YTHDF2: variants seen among roughly 807,000 people sequenced by gnomAD.
The protein encoded by YTHDF2 is YTH domain-containing family protein 2.
In YTHDF2, 2 loss-of-function variants were observed where a neutral mutation model predicts 50.4. That is an observed-to-expected ratio of 0.04 (90% confidence interval 0.02 to 0.12). The LOEUF is 0.12. Ranked by LOEUF, YTHDF2 falls within the 10% of genes least tolerant of loss-of-function variation. The pLI is 1.00. For missense variants in YTHDF2, 483 were observed against 722.6 expected (o/e 0.67, Z 3.80); for synonymous variants, 217 against 255.6 (o/e 0.85, Z 1.44).
intron 4 of YTHDF2, among the ~76,000 whole-genome samples, chr1:28,760,727 C>T (rs1195776422): frequency 2.0e-5 from 3 of 151,968 alleles, no homozygotes; most frequent in South Asian, 4.1e-4. Context: ...ACTACAGCCG[C>T]GTGCCACTAC....
chr1:28,742,314 T>C (rs1007216676), intron 3 of YTHDF2, 89 bp from the exon 4 acceptor site: 2 of 1,468,362 alleles, frequency 1.4e-6, no homozygotes, highest in Non-Finnish European at 1.8e-6. Flanking sequence ...CTTTTTATAG[T>C]ATATTTGAAT....
At chr1:28,739,179 C>G (rs1557538277) in intron 3 of YTHDF2, 1 of 152,194 alleles carries the variant, frequency 6.6e-6, no homozygotes, top group Non-Finnish European at 1.5e-5. Flanking sequence ...GCGCTCCAGC[C>G]TTGGTGACAG....
rs566676262 is a variant in YTHDF2 at position 28,753,768 on chromosome 1, G to A, written c.1716+9782G>A. 4.0e-5 allele frequency among the ~76,000 whole-genome samples: 6 copies of A among 149,668 alleles called. No homozygotes were observed. The East Asian group carries it at 7.8e-4, about 20-fold the overall frequency. The stretch of plus-strand genomic sequence containing the variant: ...GTCCCCCAGGCTGGAGTGCAATGGC[G>A]CGATCTTGGCTCGCTGCAGCCTCCC... On this transcript the variant is annotated intron_variant, in intron 4 of 4. Transcript: ENST00000373812.
At chr1:28,744,112 G>A in intron 4 of YTHDF2, 126 bp downstream of exon 4, 2 of 1,046,170 alleles carry the variant, frequency 1.9e-6, no homozygotes, top group Admixed American at 3.6e-5. Flanking sequence ...ACAGTTCAAG[G>A]CTTTATAGAA....
At chr1:28,751,926 C>A (rs1259221064) in intron 4 of YTHDF2, among the ~76,000 whole-genome samples, 1 of 152,210 alleles carries the variant, frequency 6.6e-6, no homozygotes. Flanking sequence ...GATAAGCACT[C>A]AAATGGCAGC....
chr1:28,753,704 CTTT>C (rs550956079), intron 4 of YTHDF2, among the ~76,000 whole-genome samples: 2 of 132,512 alleles, frequency 1.5e-5, no homozygotes, highest in Non-Finnish European at 1.6e-5. Flanking sequence ...GGATTTTATT[CTTT>C]TTTTTTTTTT....
At chr1:28,765,857 A>G (rs939682050) in intron 4 of YTHDF2, among the ~76,000 whole-genome samples, 8 of 152,206 alleles carry the variant, frequency 5.3e-5, no homozygotes, top group African/African-American at 1.9e-4. Context: ...AGAGAGTTAC[A>G]GTCTAGACAT....
At chr1:28,760,879 C>T (rs1353222706) in intron 4 of YTHDF2, among the ~76,000 whole-genome samples, 6 of 152,004 alleles carry the variant, frequency 3.9e-5, no homozygotes, top group East Asian at 1.9e-4. Context: ...TGCGCCTGGC[C>T]GAATTTGTTA....
intron 4 of YTHDF2, among the ~76,000 whole-genome samples, chr1:28,756,380 C>G (rs921756557): frequency 1.3e-5 from 2 of 152,114 alleles, no homozygotes; most frequent in Non-Finnish European, 2.9e-5. Flanking sequence ...ATAGTTTAAA[C>G]CAAGAATCAC....
At chr1:28,751,171 T>G (rs2087946831) in intron 4 of YTHDF2, among the ~76,000 whole-genome samples, 1 of 144,498 alleles carries the variant, frequency 6.9e-6, no homozygotes, top group Non-Finnish European at 1.5e-5. Context: ...GGCAGGAGAA[T>G]CTCTTGAACC....
Position 28,742,614 on chromosome 1 carries a change from C to A in YTHDF2, c.344C>A (p.Pro115Gln). Residue 115 changes from proline (P) to glutamine (Q), a missense_variant, in exon 4 of 5, where the codon CCA becomes CAA. Pro to Gln is a moderately conservative substitution (Grantham distance 76). This residue lies in a region of YTHDF2 where 385 missense variants were observed against 475.8 expected (regional missense o/e 0.81). Transcript: ENST00000373812. Reference sequence around the variant, plus strand: ...CAACCAGGAGCCCTAGGTAGCACTCCATTTCTTGGTCAGCATGGTTTTAAT... The same window carrying A: ...CAACCAGGAGCCCTAGGTAGCACTCAATTTCTTGGTCAGCATGGTTTTAAT... ...FGQPGALGST[P>Q]FLGQHGFNFF... 6.2e-7 allele frequency: 1 copy of A among 1,614,014 alleles called. No homozygotes were observed. The highest frequency in any genetic ancestry group is 1.3e-5 in the African/African-American group (1 of 75,030).
chr1:28,737,861 C>T (rs1570458404), intron 2 of YTHDF2, 179 bp downstream of exon 2: 1 of 696,070 alleles, frequency 1.4e-6, no homozygotes, highest in Non-Finnish European at 2.4e-6. Flanking sequence ...ACAGCTTTTT[C>T]GCTAACAAGG....
Position 28,742,520 on chromosome 1 carries a change from C to T in YTHDF2, c.250C>T (p.Pro84Ser), listed in dbSNP as rs2087792505. The T allele has an allele frequency of 6.2e-7, 1 of 1,613,948 alleles. No individual in the cohort carries two copies. Among genetic ancestry groups the T allele is most frequent in the African/African-American group, 1.3e-5 (1 of 74,890 alleles). ...GTCTACGGGGGGTGACACAGCCATG[C>T]CCTACTTAACTTCTTATGGACAGCT... is the stretch of plus-strand genomic sequence containing the variant. ...AWSTGGDTAM[P>S]YLTSYGQLSN... Residue 84 changes from proline to serine, a missense_variant, in exon 4 of 5, where the codon CCC (proline) becomes TCC (serine). By Grantham distance (74) the Pro-to-Ser change is moderately conservative (BLOSUM62 -1). Coordinates refer to ENST00000373812, the MANE Select transcript of YTHDF2 (RefSeq NM_016258.3).
In YTHDF2 at chr1:28,743,463, A is replaced by G; in HGVS notation, c.1193A>G (p.Tyr398Cys). ...VLEKLRSINN[Y>C]NPKDFDWNLK... ...GAGAAGCTTCGGTCCATTAATAACT[A>G]TAACCCCAAAGATTTTGACTGGAAT... Residue 398 changes from tyrosine (Y) to cysteine (C), a missense_variant, in exon 4 of 5, where the codon TAT (tyrosine) becomes TGT (cysteine). By Grantham distance (194) the Tyr-to-Cys change is radical. Coordinates refer to ENST00000373812, the MANE Select transcript of YTHDF2 (RefSeq NM_016258.3). This position sits in a 1 kb window ranked among gnomAD's most constrained non-coding sequence, Gnocchi z 6.9. The G allele has an allele frequency of 6.2e-7, 1 of 1,614,218 alleles. No individual in the cohort carries two copies. Among genetic ancestry groups the G allele is most frequent in the Non-Finnish European group, 8.5e-7 (1 of 1,180,038 alleles).
chr1:28,737,001 G>C lies in YTHDF2; in HGVS notation c.-120G>C, dbSNP rs1240467260. ...GCGCTGTGTCTCCGCTGCGTCCGCCGAGGCCCCCGAGTGTCAGGGACAAAA... is the reference window on the plus strand; with the variant it reads ...GCGCTGTGTCTCCGCTGCGTCCGCCCAGGCCCCCGAGTGTCAGGGACAAAA... On this transcript the variant is annotated 5_prime_UTR_variant, in exon 1 of 5. Coordinates refer to ENST00000373812, the MANE Select transcript of YTHDF2 (RefSeq NM_016258.3). 2 of 1,292,630 alleles carry C rather than the reference G, an allele frequency of 1.5e-6. No homozygotes were observed. The highest frequency in any genetic ancestry group is 1.5e-5 in the African/African-American group (1 of 65,626). The allele number at this position is 1,292,630 out of a possible 1,614,324, so 80.1% of individuals were successfully genotyped here.
At chr1:28,756,873 A>G (rs1253464133) in intron 4 of YTHDF2, among the ~76,000 whole-genome samples, 5 of 151,976 alleles carry the variant, frequency 3.3e-5, no homozygotes, top group East Asian at 1.9e-4. Flanking sequence ...TGCAGAGGAG[A>G]AAAAAAAGCT....
intron 3 of YTHDF2, among the ~76,000 whole-genome samples, chr1:28,741,324 G>A (rs1178822776): frequency 6.6e-6 from 1 of 151,874 alleles, no homozygotes; most frequent in Non-Finnish European, 1.5e-5. Context: ...TTTTGAGACA[G>A]TCTGGCTCTG....
chr1:28,744,072 A>G (rs977676537), intron 4 of YTHDF2, 86 bp downstream of exon 4: 78 of 1,359,780 alleles, frequency 5.7e-5, no homozygotes, highest in Admixed American at 3.3e-5. Context: ...CCGTTAATAA[A>G]AACTCTGTAA....
chr1:28,764,173 A>T (rs1570481405), intron 4 of YTHDF2, among the ~76,000 whole-genome samples: 1 of 147,478 alleles, frequency 6.8e-6, no homozygotes, highest in Non-Finnish European at 1.5e-5. Flanking sequence ...CTGGTCTCGA[A>T]CTCCCGACCT....
Sources: allele counts gnomAD v4.1 joint callset (sites outside exome capture counted in the v4.1 genomes callset), GRCh38; gene constraint gnomAD v4.1.1; regional missense constraint gnomAD v4.1.1; non-coding constraint Gnocchi (gnomAD v3.1); transcripts MANE v1.5; gene names NCBI Gene and HGNC (gene_info 2026-07-23, HGNC 2026-07-21).